CDRT4: variants seen among roughly 807,000 people sequenced by gnomAD.
CDRT4 encodes CMT1A duplicated region transcript 4.
For missense variants in CDRT4, 167 were observed against 193.1 expected, an observed-to-expected ratio of 0.87 and a Z score of 0.80; for synonymous variants, 64 against 69.6, an observed-to-expected ratio of 0.92 and a Z score of 0.40.
chr17:15,454,061 C>T (rs948860055), intron 1 of CDRT4, among the ~76,000 whole-genome samples: 1 of 152,104 alleles, frequency 6.6e-6, no homozygotes, highest in Non-Finnish European at 1.5e-5. Flanking sequence ...GAAATTAGTA[C>T]CAAGACACAT....
At chr17:15,443,418 T>C (rs1005013194) in intron 2 of CDRT4, among the ~76,000 whole-genome samples, 1 of 150,312 alleles carries the variant, frequency 6.7e-6, no homozygotes, top group Non-Finnish European at 1.5e-5. Flanking sequence ...TAGCTGGGAC[T>C]ACAGGCACAC....
At chr17:15,444,242 A>G (rs920736972) in intron 2 of CDRT4, 29 of 650,554 alleles carry the variant, frequency 4.5e-5, no homozygotes, top group African/African-American at 7.3e-5. Flanking sequence ...GATTCCTAAG[A>G]CCTACTTGTG....
intron 1 of CDRT4, among the ~76,000 whole-genome samples, chr17:15,456,115 A>G (rs1979470104): frequency 6.6e-6 from 1 of 152,170 alleles, no homozygotes; most frequent in Non-Finnish European, 1.5e-5. Flanking sequence ...CTTCTTCCCC[A>G]TTCCATCTCC....
chr17:15,457,989 AC>A (rs1291600572), intron 1 of CDRT4, among the ~76,000 whole-genome samples: 3 of 152,190 alleles, frequency 2.0e-5, no homozygotes, highest in Admixed American at 2.0e-4. Flanking sequence ...ACGCTGTGAG[AC>A]TTTTCCATTT....
chr17:15,452,800 C>T (rs1056562344), intron 2 of CDRT4, among the ~76,000 whole-genome samples: 3 of 152,186 alleles, frequency 2.0e-5, no homozygotes, highest in Admixed American at 1.3e-4. Context: ...TTATCTGAAC[C>T]TTATCTATCA....
intron 2 of CDRT4, chr17:15,443,881 T>C (rs1740585250): frequency 1.6e-6 from 1 of 622,166 alleles, no homozygotes; most frequent in Admixed American, 1.9e-5. Flanking sequence ...GGTGTCACAC[T>C]GGGCTTCCAC....
intron 2 of CDRT4, among the ~76,000 whole-genome samples, chr17:15,441,546 G>A (rs937515414): frequency 3.3e-5 from 5 of 152,028 alleles, no homozygotes; most frequent in South Asian, 2.1e-4. Context: ...ACACTCCTCC[G>A]AGATAAGCAG....
chr17:15,444,458 CCAGA>C lies in CDRT4; in HGVS notation c.-47-4177_-47-4174del, dbSNP rs1978924149. ...TACAGGCACTGGAATTAAAAGTGTC[CCAGA>C]CAATTTCTCTGTGCAGCAAAATTTG... On this transcript the variant is annotated intron_variant, in intron 2 of 3. Coordinates refer to ENST00000619038, the MANE Select transcript of CDRT4 (RefSeq NM_001204477.2). Among the ~76,000 whole-genome samples the C allele has an allele frequency of 2.0e-5, 3 of 152,148 alleles. No individual in the cohort carries two copies. The South Asian group carries it at 6.2e-4, about 32-fold the overall frequency.
At chr17:15,463,611 T>C (rs1979857823) in intron 1 of CDRT4, among the ~76,000 whole-genome samples, 1 of 152,128 alleles carries the variant, frequency 6.6e-6, no homozygotes, top group Admixed American at 6.5e-5. Context: ...TCGTTGACTT[T>C]CCCGGCACAT....
chr17:15,450,937 C>T lies in CDRT4; in HGVS notation c.-48+2067G>A, dbSNP rs966990081. On this transcript the variant is annotated intron_variant, in intron 2 of 3. Coordinates refer to ENST00000619038, the MANE Select transcript of CDRT4 (RefSeq NM_001204477.2). This position sits in a 1 kb window ranked among gnomAD's most constrained non-coding sequence, Gnocchi z 4.2. ...CCCAGCATGATTTAACTTCTCTACA[C>T]CACCAGCCTCCTCTAAGACATCAAC... 7.2e-5 allele frequency among the ~76,000 whole-genome samples: 11 copies of T among 152,156 alleles called. No homozygotes were observed. Among genetic ancestry groups the T allele is most frequent in the Non-Finnish European group, 1.0e-4 (7 of 68,030 alleles).
chr17:15,455,201 G>C (rs1979432864), intron 1 of CDRT4, among the ~76,000 whole-genome samples: 1 of 152,076 alleles, frequency 6.6e-6, no homozygotes, highest in Admixed American at 6.6e-5. Flanking sequence ...GGATGGGAGA[G>C]TGGAGGGTAA....
chr17:15,440,388 G>T (rs1978703439), intron 2 of CDRT4, 103 bp from the exon 3 acceptor site: 1 of 1,308,334 alleles, frequency 7.6e-7, no homozygotes, highest in Admixed American at 2.0e-5. Context: ...GTCACTGCAT[G>T]AGGCTAAGAT....
chr17:15,465,440 G>A (rs1979989190), intron 1 of CDRT4, among the ~76,000 whole-genome samples: 1 of 142,648 alleles, frequency 7.0e-6, no homozygotes, highest in African/African-American at 2.6e-5. Context: ...ACCAGTACCA[G>A]ACACACCAAC....
chr17:15,457,405 C>T (rs145978761), intron 1 of CDRT4, among the ~76,000 whole-genome samples: 122 of 152,330 alleles, frequency 8.0e-4, no homozygotes, highest in African/African-American at 2.6e-3. Context: ...AAGTGCAGAG[C>T]TCTGTGAATT....
chr17:15,443,678 GA>G (rs1477973430), intron 2 of CDRT4: 1 of 414,480 alleles, frequency 2.4e-6, no homozygotes, highest in Non-Finnish European at 4.6e-6. Context: ...TAACATTCTA[GA>G]AAATGTCAAC....
At chr17:15,455,012 G>A (rs1266908910) in intron 1 of CDRT4, among the ~76,000 whole-genome samples, 6 of 152,120 alleles carry the variant, frequency 3.9e-5, no homozygotes, top group Non-Finnish European at 5.9e-5. Flanking sequence ...ATGACTGGGG[G>A]TTCATTCTGG....
At chr17:15,458,627 A>C (rs2954779) in intron 1 of CDRT4, among the ~76,000 whole-genome samples, 33,924 of 151,992 alleles carry the variant, frequency 0.22, 7,408 homozygotes, top group African/African-American at 0.53. Flanking sequence ...TCACTCCTGT[A>C]TCCCCGTGAC....
At position 15,437,661 on chromosome 17, in the gene CDRT4, G is replaced by C. The variant is rs2150782962; in HGVS notation, c.*112C>G. On this transcript the variant is annotated 3_prime_UTR_variant, in exon 4 of 4. Transcript: ENST00000619038. ...CTCCGCATGAGCAAGAGCAAGTTCA[G>C]ATTTAAAGGACACTGTCAAGTGAGT... is the stretch of plus-strand genomic sequence containing the variant. The C allele has an allele frequency of 8.8e-7, 1 of 1,139,170 alleles. No individual in the cohort carries two copies. Among genetic ancestry groups the C allele is most frequent in the East Asian group, 2.5e-5 (1 of 40,190 alleles). The allele number at this position is 1,139,170 out of a possible 1,614,324, so 70.6% of individuals were successfully genotyped here. A position where few individuals can be genotyped will look rare whatever the true frequency, so the allele number is the denominator to read the frequency against.
At position 15,450,085 on chromosome 17, in the gene CDRT4, C is replaced by T. The variant is rs1365976796; in HGVS notation, c.-48+2919G>A. 5.9e-5 allele frequency among the ~76,000 whole-genome samples: 9 copies of T among 152,192 alleles called. No individual in the cohort carries two copies. Among genetic ancestry groups the T allele is most frequent in the Non-Finnish European group, 1.0e-4 (7 of 68,042 alleles). ...TTCAGGTAGATTCCCAGTAGTGGAACTGTTGTGTCCAATGGTAGTTCTATG... is the reference window on the plus strand; with the variant it reads ...TTCAGGTAGATTCCCAGTAGTGGAATTGTTGTGTCCAATGGTAGTTCTATG... On this transcript the variant is annotated intron_variant, in intron 2 of 3. Coordinates refer to ENST00000619038, the MANE Select transcript of CDRT4 (RefSeq NM_001204477.2). This position sits in a 1 kb window ranked among gnomAD's most constrained non-coding sequence, Gnocchi z 4.2.
Sources: allele counts gnomAD v4.1 joint callset (sites outside exome capture counted in the v4.1 genomes callset), GRCh38; gene constraint gnomAD v4.1.1; non-coding constraint Gnocchi (gnomAD v3.1); transcripts MANE v1.5; gene names NCBI Gene and HGNC (gene_info 2026-07-23, HGNC 2026-07-21).